The following SEMA3A variants were observed in gnomAD, a reference collection of about 807,000 sequenced individuals.
SEMA3A encodes semaphorin 3A.
In SEMA3A, 29 loss-of-function variants were observed where a neutral mutation model predicts 97.9. That is an observed-to-expected ratio of 0.30 (90% CI 0.22 to 0.40). The LOEUF (loss-of-function observed/expected upper bound fraction) is 0.40, where lower values mean the gene tolerates loss of function less well. Among genes scored for constraint, SEMA3A ranks in the 10% least tolerant of loss-of-function variants. The pLI, the probability that SEMA3A is intolerant of heterozygous loss-of-function variation, is 1.00. For missense variants in SEMA3A, 763 were observed against 951.3 expected (o/e 0.80, Z 2.60); for synonymous variants, 321 against 323.7 (o/e 0.99, Z 0.09).
chr7:84,445,529 AAGAAAAGAAG>A (rs1562950579), intron 1 of SEMA3A, among the ~76,000 whole-genome samples: 3 of 149,216 alleles, frequency 2.0e-5, no homozygotes, highest in Non-Finnish European at 3.0e-5. Flanking sequence ...AAGAAAAGAA[AAGAAAAGAAG>A]AGAAAAGAAA....
intron 1 of SEMA3A, among the ~76,000 whole-genome samples, chr7:84,154,591 G>A (rs1005863509): frequency 2.0e-5 from 3 of 150,770 alleles, no homozygotes; most frequent in African/African-American, 4.9e-5. Context: ...CAGAAGAATC[G>A]CTTGAACCTG....
At chr7:84,243,040 T>C (rs1799401270) in intron 3 of SEMA3A, among the ~76,000 whole-genome samples, 1 of 152,220 alleles carries the variant, frequency 6.6e-6, no homozygotes, top group Non-Finnish European at 1.5e-5. Flanking sequence ...GATGTGCTAC[T>C]GGATTCGGTT....
chr7:84,200,847 A>G (rs1798337860), intron 3 of SEMA3A, among the ~76,000 whole-genome samples: 1 of 151,472 alleles, frequency 6.6e-6, no homozygotes, highest in Non-Finnish European at 1.5e-5. Context: ...CAAATGGAAC[A>G]AGAAAGTTTT....
intron 4 of SEMA3A, among the ~76,000 whole-genome samples, chr7:84,073,858 A>G (rs1490569602): frequency 7.3e-6 from 1 of 136,088 alleles, no homozygotes; most frequent in East Asian, 2.1e-4. Flanking sequence ...TGGCTTAAAA[A>G]AAGCTAAAAA....
intron 1 of SEMA3A, among the ~76,000 whole-genome samples, chr7:84,139,854 C>G (rs895223198): frequency 2.0e-5 from 3 of 151,920 alleles, no homozygotes; most frequent in African/African-American, 7.2e-5. Context: ...CTCTAATATG[C>G]TACCAGTTAA....
At chr7:84,028,209 C>G (rs1791617148) in intron 6 of SEMA3A, among the ~76,000 whole-genome samples, 1 of 152,080 alleles carries the variant, frequency 6.6e-6, no homozygotes, top group African/African-American at 2.4e-5. Context: ...ATTATTTTAA[C>G]TTTCCTGTAT....
At chr7:84,286,741 C>T (rs915835591) in intron 3 of SEMA3A, among the ~76,000 whole-genome samples, 2 of 152,234 alleles carry the variant, frequency 1.3e-5, no homozygotes, top group East Asian at 1.9e-4. Flanking sequence ...CACACCCTAA[C>T]TCAGAGCAGC....
intron 5 of SEMA3A, 65 bp from the exon 6 acceptor site, chr7:84,046,508 AAAC>A: frequency 6.3e-7 from 1 of 1,584,336 alleles, no homozygotes; most frequent in Non-Finnish European, 8.6e-7. Flanking sequence ...AAACAAAACA[AAAC>A]AAACAAAATG....
chr7:84,028,985 T>G (rs533436205), intron 6 of SEMA3A, among the ~76,000 whole-genome samples: 2 of 152,282 alleles, frequency 1.3e-5, no homozygotes, highest in African/African-American at 4.8e-5. Flanking sequence ...TATTATTGAT[T>G]GACTGATTCC....
At chr7:84,134,281 A>G (rs1199600153) in intron 2 of SEMA3A, among the ~76,000 whole-genome samples, 3 of 152,160 alleles carry the variant, frequency 2.0e-5, no homozygotes, top group Non-Finnish European at 4.4e-5. Context: ...CTTTGTAACT[A>G]TTGAATTCTG....
At chr7:84,424,146 T>G (rs957573460) in intron 1 of SEMA3A, among the ~76,000 whole-genome samples, 1 of 151,620 alleles carries the variant, frequency 6.6e-6, no homozygotes, top group Admixed American at 6.6e-5. Flanking sequence ...ACTGGGTATC[T>G]ACCCAAAGGA....
chr7:84,275,516 A>G (rs528606844), intron 3 of SEMA3A, among the ~76,000 whole-genome samples: 65 of 152,036 alleles, frequency 4.3e-4, no homozygotes, highest in African/African-American at 1.5e-3. Flanking sequence ...AGTCACCTGG[A>G]CCTGTGCTTC....
intron 15 of SEMA3A, among the ~76,000 whole-genome samples, chr7:83,976,037 A>C (rs1333616198): frequency 6.6e-6 from 1 of 152,124 alleles, no homozygotes; most frequent in African/African-American, 2.4e-5. Flanking sequence ...TTTGCAATCA[A>C]AGTGGTTCCG....
chr7:84,067,597 CA>C (rs1484360889), intron 4 of SEMA3A, among the ~76,000 whole-genome samples: 2 of 152,114 alleles, frequency 1.3e-5, no homozygotes, highest in Admixed American at 6.5e-5. Flanking sequence ...ACAACCCCAT[CA>C]AAAAGTTGGC....
At chr7:84,416,090 C>G (rs559576949) in intron 1 of SEMA3A, among the ~76,000 whole-genome samples, 29 of 152,136 alleles carry the variant, frequency 1.9e-4, no homozygotes, top group Middle Eastern at 3.4e-3. Flanking sequence ...TTAAAAGCCT[C>G]TAAAAGTACT....
At position 83,963,262 on chromosome 7, in the gene SEMA3A, C is replaced by T. The variant is rs773851451; in HGVS notation, c.1803G>A (p.Ser601=). 16 of 1,613,632 alleles carry T rather than the reference C, an allele frequency of 9.9e-6. No individual in the cohort carries two copies. The highest frequency in any genetic ancestry group is 4.5e-5 in the East Asian group (2 of 44,874). The change falls in exon 16 of 17, where the codon TCG becomes TCA. Residue 601 remains serine, a synonymous_variant. Coordinates refer to ENST00000265362, the MANE Select transcript of SEMA3A (RefSeq NM_006080.3). ...ATTGCCAATAGACCAGCGCTCTCTG[C>T]GACTTCGGACTGCATTCCAAAAATG... ...SSTFLECSPK[S]QRALVYWQFQ...
chr7:84,443,191 C>A (rs1314019331), intron 1 of SEMA3A, among the ~76,000 whole-genome samples: 1 of 152,006 alleles, frequency 6.6e-6, no homozygotes, highest in East Asian at 1.9e-4. Context: ...CTTAAGTGCA[C>A]ATGGAATAAT....
At chr7:84,361,989 T>C (rs982323212) in intron 2 of SEMA3A, among the ~76,000 whole-genome samples, 2 of 152,030 alleles carry the variant, frequency 1.3e-5, no homozygotes, top group African/African-American at 4.8e-5. Context: ...TCTTTGGTTT[T>C]TAAAATTACT....
At chr7:84,220,631 T>A (rs1449976386) in intron 3 of SEMA3A, among the ~76,000 whole-genome samples, 1 of 152,168 alleles carries the variant, frequency 6.6e-6, no homozygotes, top group African/African-American at 2.4e-5. Context: ...AAAACAACAT[T>A]AATCTCCTTG....
Sources: gnomAD v4.1 joint callset for allele counts (sites outside exome capture counted in the v4.1 genomes callset) on GRCh38, gnomAD v4.1.1 for gene constraint, MANE v1.5 for transcripts, NCBI Gene and HGNC (gene_info 2026-07-23, HGNC 2026-07-21) for gene names.